DNAH1: variants seen among roughly 807,000 people sequenced by gnomAD.
DNAH1 encodes axonemal beta dynein heavy chain 1.
In DNAH1, 327 loss-of-function variants were observed where a neutral mutation model predicts 484.3. The ratio of observed to expected loss-of-function variants is 0.68; its 90% CI spans 0.62 to 0.74. The LOEUF (loss-of-function observed/expected upper bound fraction) is 0.74, where lower values mean the gene tolerates loss of function less well. Ranked by LOEUF, DNAH1 falls within the 30% of genes least tolerant of loss-of-function variation. The probability of loss-of-function intolerance (pLI) is 0.00; values close to 1 mark genes in which losing one functional copy is unlikely to be tolerated. For synonymous variants in DNAH1, 2,192 were observed against 2,191.9 expected (o/e 1.00, Z 0.00); for missense variants, 5,052 against 5,546.8 (o/e 0.91, Z 2.83).
chr3:52,388,799 C>T lies in DNAH1; in HGVS notation c.9364-7C>T, dbSNP rs746708799. 6 of 1,613,154 alleles carry T rather than the reference C, an allele frequency of 3.7e-6. No individual in the cohort carries two copies. The highest frequency in any genetic ancestry group is 5.1e-6 in the Non-Finnish European group (6 of 1,179,818). On this transcript the variant is annotated splice_region_variant and splice_polypyrimidine_tract_variant and intron_variant, in intron 58 of 77. Transcript: ENST00000420323. ...CCAGAGCCCACCCCACGGGGCTGCC[C>T]CTCCAGCTCATCAACGGGCTGTCGG...
At chr3:52,394,377 G>A in intron 66 of DNAH1, 88 bp from the exon 67 acceptor site, 1 of 1,272,414 alleles carries the variant, frequency 7.9e-7, no homozygotes, top group African/African-American at 1.5e-5. Context: ...AGGTGAGGGT[G>A]GTTAGAGAGG....
chr3:52,375,410 T>G lies in DNAH1; in HGVS notation c.7156T>G (p.Leu2386Val). ...RIFSTILGNW[L>V]DGLLGEKSYR... ...CTTCTCCACCATCCTGGGCAACTGG[T>G]TGGGTGAGTATTGGTGGGGGTGAGC... The change falls in exon 45 of 78, where the codon TTG becomes GTG. Residue 2386 changes from leucine (L) to valine (V), a missense_variant. Leu to Val is a conservative substitution (Grantham distance 32). Around this residue, in one of 4 missense-constraint regions of DNAH1, gnomAD observed 2,929 missense variants for 3,409.4 expected, o/e 0.86. Coordinates refer to ENST00000420323, the MANE Select transcript of DNAH1 (RefSeq NM_015512.5). 1 of 1,612,434 alleles carries G rather than the reference T, an allele frequency of 6.2e-7. No homozygotes were observed. The highest frequency in any genetic ancestry group is 1.1e-5 in the South Asian group (1 of 90,782).
Position 52,349,070 on chromosome 3 carries a change from C to G in DNAH1, c.2289C>G (p.Ala763=). 1 of 1,613,064 alleles carries G rather than the reference C, an allele frequency of 6.2e-7. No individual in the cohort carries two copies. Among genetic ancestry groups the G allele is most frequent in the Non-Finnish European group, 8.5e-7 (1 of 1,179,892 alleles). ...TGGAGCTGAACAACAATGACATTGCCTCCTTTCTCAAGTGCGTACGTGTGC... is the reference window on the plus strand; with the variant it reads ...TGGAGCTGAACAACAATGACATTGCGTCCTTTCTCAAGTGCGTACGTGTGC... ...KYLELNNNDI[A]SFLKTYQTQG... The change falls in exon 13 of 78, where the codon GCC becomes GCG. Residue 763 remains alanine (A), a synonymous_variant. Transcript: ENST00000420323.
rs142072426 is a variant in DNAH1, at chr3:52,365,578, A to G, written c.5518+559A>G. On this transcript the variant is annotated intron_variant, in intron 34 of 77. Transcript: ENST00000420323. The stretch of plus-strand genomic sequence containing the variant: ...ACTGCCCTCAAATAGACTCCCTCTC[A>G]TCCCGAACCCTCGCCCCTCATAGTA... Among the ~76,000 whole-genome samples, 353 of 152,186 alleles carry G rather than the reference A, an allele frequency of 2.3e-3. 1 individual carries two copies. The highest frequency in any genetic ancestry group is 8.1e-3 in the African/African-American group (335 of 41,522).
intron 20 of DNAH1, among the ~76,000 whole-genome samples, chr3:52,354,320 A>G (rs1702517382): frequency 1.3e-5 from 2 of 152,216 alleles, no homozygotes; most frequent in African/African-American, 4.8e-5. Flanking sequence ...TGTGCGTACA[A>G]CCACATGCAG....
chr3:52,313,615 G>A (rs1394224679), upstream of DNAH1, among the ~76,000 whole-genome samples: 1 of 152,034 alleles, frequency 6.6e-6, no homozygotes, highest in African/African-American at 2.4e-5. Flanking sequence ...ATGTCCCTAG[G>A]CCAAAGCAGG....
chr3:52,315,876 C>T (rs759805267), upstream of DNAH1, among the ~76,000 whole-genome samples: 30 of 152,210 alleles, frequency 2.0e-4, no homozygotes, highest in Non-Finnish European at 1.9e-4. Flanking sequence ...GACTGACTCA[C>T]GGTGTCCTTC....
intron 55 of DNAH1, 46 bp from the exon 56 acceptor site, chr3:52,386,616 T>C (rs809496): frequency 6.7e-7 from 1 of 1,500,502 alleles, no homozygotes. Flanking sequence ...TGCCGAGGGG[T>C]GCCCACTGGG....
rs770284 is a variant in DNAH1, at chr3:52,381,849, A to G, written c.7805+13A>G. ...TCGCCTCGCACATGTGAGCGCCTCC[A>G]GGGCGTGCTGGGCAGTGGGCGGCCA... On this transcript the variant is annotated intron_variant, in intron 49 of 77. Coordinates refer to ENST00000420323, the MANE Select transcript of DNAH1 (RefSeq NM_015512.5). This position sits in a 1 kb window ranked among gnomAD's most constrained non-coding sequence, Gnocchi z 4.1. 1 allele frequency: 1,571,143 copies of G among 1,571,184 alleles called. 785,551 individuals are homozygous for G. The highest frequency in any genetic ancestry group is 1 in the Middle Eastern group (5,618 of 5,618).
At position 52,353,080 on chromosome 3, in the gene DNAH1, G is replaced by T; in HGVS notation, c.3028-23G>T. On this transcript the variant is annotated intron_variant, in intron 18 of 77. Coordinates refer to ENST00000420323, the MANE Select transcript of DNAH1 (RefSeq NM_015512.5). The surrounding 1 kb of genome is among the most constrained non-coding windows in gnomAD (Gnocchi z 5.0). ...TGGGAAGTGTCCCAAGACAGCCCCAGCCCTGCCCTCCTGTCCCTGCAGTAT... is the reference window on the plus strand; with the variant it reads ...TGGGAAGTGTCCCAAGACAGCCCCATCCCTGCCCTCCTGTCCCTGCAGTAT... The T allele has an allele frequency of 1.9e-6, 3 of 1,601,398 alleles. No homozygotes were observed. Among genetic ancestry groups the T allele is most frequent in the Non-Finnish European group, 2.6e-6 (3 of 1,172,738 alleles).
intron 22 of DNAH1, 34 bp from the exon 23 acceptor site, chr3:52,357,579 AC>A (rs750919896): frequency 6.9e-5 from 110 of 1,587,762 alleles, no homozygotes; most frequent in Non-Finnish European, 8.9e-5. Flanking sequence ...GACCATGCTC[AC>A]TGCCCATTTC....
chr3:52,375,549 C>T lies in DNAH1; in HGVS notation c.7159+136C>T, dbSNP rs1703554095. On this transcript the variant is annotated intron_variant, in intron 45 of 77. Transcript: ENST00000420323. The stretch of plus-strand genomic sequence containing the variant: ...CGCAACCCTGGGTTCACCTCTCACT[C>T]AGCTGTGTGATCTTTGGCAGCTCAT... 4 of 922,308 alleles carry T rather than the reference C, an allele frequency of 4.3e-6. No individual in the cohort carries two copies. The East Asian group carries it at 1.1e-4, about 24-fold the overall frequency. 57.1% of individuals were successfully genotyped at this position (922,308 alleles called of 1,614,324 possible).
At position 52,350,573 on chromosome 3, in the gene DNAH1, A is replaced by G; in HGVS notation, c.2712A>G (p.Ser904=). The change falls in exon 16 of 78, where the codon TCA becomes TCG. Residue 904 remains serine (S), a synonymous_variant. Transcript: ENST00000420323. ...ATGAATTCCTCTACAACCTCAGCTC[A>G]GATGACTTCAATGACAAGTGAGTGG... The part of the protein sequence containing the change: ...VMDEFLYNLS[S]DDFNDKWIAS... 1 of 1,613,792 alleles carries G rather than the reference A, an allele frequency of 6.2e-7. No individual in the cohort carries two copies.
chr3:52,387,125 G>A (rs1704145243), intron 56 of DNAH1, among the ~76,000 whole-genome samples: 1 of 152,206 alleles, frequency 6.6e-6, no homozygotes, highest in Non-Finnish European at 1.5e-5. Flanking sequence ...ATTGGGACCT[G>A]GACAGGCTCC....
chr3:52,372,851 A>T, intron 43 of DNAH1, 45 bp from the exon 44 acceptor site: 1 of 1,579,576 alleles, frequency 6.3e-7, no homozygotes, highest in Non-Finnish European at 8.6e-7. Context: ...TTCTCAGAGG[A>T]CCTGGTGCCT....
At chr3:52,315,973 C>T (rs1700936329), upstream of DNAH1, among the ~76,000 whole-genome samples, 1 of 152,158 alleles carries the variant, frequency 6.6e-6, no homozygotes, top group African/African-American at 2.4e-5. Context: ...AAAGCAGCAC[C>T]CCCGACCCCC....
chr3:52,375,282 TG>T lies in DNAH1; in HGVS notation c.7031del (p.Gly2344AlafsTer14). On this transcript the variant is annotated frameshift_variant, in exon 45 of 78. Transcript: ENST00000420323. LOFTEE classifies it high-confidence loss of function. The part of the protein sequence containing the change: ...NLVDINFVCA[M>X]GPPGGGRNTV... The stretch of plus-strand genomic sequence containing the variant: ...GTGGACATCAACTTTGTCTGTGCCA[TG>T]GGCCCCCCGGGTGGAGGCAGGAACA... The T allele has an allele frequency of 6.2e-7, 1 of 1,611,514 alleles. No individual in the cohort carries two copies. Among genetic ancestry groups the T allele is most frequent in the Non-Finnish European group, 8.5e-7 (1 of 1,178,932 alleles).
chr3:52,333,194 C>G (rs1041870834), intron 8 of DNAH1, among the ~76,000 whole-genome samples: 1 of 152,080 alleles, frequency 6.6e-6, no homozygotes, highest in African/African-American at 2.4e-5. Context: ...CTGGAAGTTC[C>G]TTTTAGTTGA....
chr3:52,392,809 C>A lies in DNAH1; in HGVS notation c.10279-21C>A, dbSNP rs776107873. 18 of 605,574 alleles carry A rather than the reference C, an allele frequency of 3.0e-5. 1 individual carries two copies. Among genetic ancestry groups the A allele is most frequent in the Non-Finnish European group, 4.2e-5 (14 of 333,916 alleles). The allele number at this position is 605,574 out of a possible 1,614,324, so 37.5% of individuals were successfully genotyped here. The stretch of plus-strand genomic sequence containing the variant: ...CTACCTTCTGCTCTTTGACCCCTCC[C>A]CCCACCCACTACACCCACAGGCCAA... On this transcript the variant is annotated intron_variant, in intron 64 of 77. Coordinates refer to ENST00000420323, the MANE Select transcript of DNAH1 (RefSeq NM_015512.5).
Sources: gnomAD v4.1 joint callset for allele counts (sites outside exome capture counted in the v4.1 genomes callset) on GRCh38, gnomAD v4.1.1 for gene constraint, gnomAD v4.1.1 regional missense constraint, Gnocchi (gnomAD v3.1) non-coding constraint, MANE v1.5 for transcripts, NCBI Gene and HGNC (gene_info 2026-07-23, HGNC 2026-07-21) for gene names.